Variants in FARP1 observed in about 807,000 individuals in gnomAD.
FARP1 encodes the protein FERM, ARHGEF and pleckstrin domain-containing protein 1.
Under a neutral mutation model 128.8 loss-of-function variants are expected in FARP1, and 52 were observed. The observed-to-expected ratio is 0.40, with a 90% confidence interval of 0.32 to 0.51. The LOEUF is 0.51. Ranked by LOEUF, FARP1 falls within the 20% of genes least tolerant of loss-of-function variation. The pLI, the probability that FARP1 is intolerant of heterozygous loss-of-function variation, is 0.45. For missense variants in FARP1, 1,333 were observed against 1,367.9 expected, an observed-to-expected ratio of 0.97 and a Z score of 0.40; for synonymous variants, 580 against 551.8, an observed-to-expected ratio of 1.05 and a Z score of -0.72.
chr13:98,433,829 G>C (rs1328326712), intron 18 of FARP1: 5 of 152,408 alleles, frequency 3.3e-5, no homozygotes, highest in Non-Finnish European at 7.3e-5. Context: ...CGTCCTTTAA[G>C]CCTCAGCTTG....
At chr13:98,436,291 C>T (rs371789138) in intron 19 of FARP1, among the ~76,000 whole-genome samples, 1 of 152,150 alleles carries the variant, frequency 6.6e-6, no homozygotes, top group Non-Finnish European at 1.5e-5. Flanking sequence ...CAGGGCTTCC[C>T]GCACACACTC....
intron 2 of FARP1, among the ~76,000 whole-genome samples, chr13:98,311,432 G>A (rs1203539966): frequency 6.6e-6 from 1 of 152,178 alleles, no homozygotes; most frequent in Non-Finnish European, 1.5e-5. Flanking sequence ...CTTCCTGTTA[G>A]GGCAATGAAT....
At chr13:98,386,243 C>T (rs553886996) in intron 8 of FARP1, among the ~76,000 whole-genome samples, 19 of 126,256 alleles carry the variant, frequency 1.5e-4, no homozygotes, top group South Asian at 9.9e-4. Flanking sequence ...CTTATTTGGT[C>T]GGGACTTCAG....
Position 98,421,386 on chromosome 13 carries a change from A to G in FARP1, c.1827-3186A>G, listed in dbSNP as rs139145689. Among the ~76,000 whole-genome samples the G allele has an allele frequency of 1.6e-4, 25 of 152,264 alleles. No individual in the cohort carries two copies. The East Asian group carries it at 3.9e-3, about 24-fold the overall frequency. Reference sequence around the variant, plus strand: ...TTTTCTCTTGGGTAGGGGTGTGTCTATGAGAGAGAGGATATTGCTTGTTAC... The same window carrying G: ...TTTTCTCTTGGGTAGGGGTGTGTCTGTGAGAGAGAGGATATTGCTTGTTAC... On this transcript the variant is annotated intron_variant, in intron 16 of 26. Coordinates refer to ENST00000319562, the MANE Select transcript of FARP1 (RefSeq NM_005766.4).
At position 98,397,919 on chromosome 13, in the gene FARP1, A is replaced by AAAAAAGAAAG. The variant is rs61501785; in HGVS notation, c.1414+2443_1414+2444insAAAAAGAAAG. The stretch of plus-strand genomic sequence containing the variant: ...TTTTTTGAAAAAAAAAAAAAAAAAA[A>AAAAAAGAAAG]GATAAATTGTAGAATAAAATTTTTA... On this transcript the variant is annotated intron_variant, in intron 13 of 26. Coordinates refer to ENST00000319562, the MANE Select transcript of FARP1 (RefSeq NM_005766.4). 1.8e-4 allele frequency: 22 copies of AAAAAAGAAAG among 124,324 alleles called. 3 individuals are homozygous for AAAAAAGAAAG. The highest frequency in any genetic ancestry group is 2.5e-4 in the Non-Finnish European group (15 of 59,708). 7.7% of individuals were successfully genotyped at this position (124,324 alleles called of 1,614,324 possible). A position where few individuals can be genotyped will look rare whatever the true frequency, so the allele number is the denominator to read the frequency against.
chr13:98,323,576 A>T (rs1178719320), intron 2 of FARP1, among the ~76,000 whole-genome samples: 1 of 151,796 alleles, frequency 6.6e-6, no homozygotes, highest in Non-Finnish European at 1.5e-5. Flanking sequence ...ACCTGTTTTG[A>T]TCTATTTGTA....
At chr13:98,417,455 GAAAAAAAAAAAAAAAA>G (rs869304302) in intron 16 of FARP1, among the ~76,000 whole-genome samples, 6,931 of 58,810 alleles carry the variant, frequency 0.12, 623 homozygotes, top group African/African-American at 0.31. Context: ...CCAGAGGTTT[GAAAAAAAAAAAAAAAA>G]AAAAAAAAAA....
Position 98,176,707 on chromosome 13 carries a change from A to G in FARP1, c.-24+33215A>G. 1.2e-6 allele frequency: 2 copies of G among 1,614,166 alleles called. No homozygotes were observed. Among genetic ancestry groups the G allele is most frequent in the Non-Finnish European group, 1.7e-6 (2 of 1,180,026 alleles). On this transcript the variant is annotated intron_variant, in intron 1 of 26. Transcript: ENST00000319562. The surrounding 1 kb of genome is among the most constrained non-coding windows in gnomAD (Gnocchi z 6.2). ...GGCGCGCAGATGCCCTGGCGCACGT[A>G]TGGGGCCCTTCCTCGCCATCCCCGA...
intron 17 of FARP1, 78 bp downstream of exon 17, chr13:98,424,728 GC>G: frequency 1.0e-6 from 1 of 987,242 alleles, no homozygotes; most frequent in Non-Finnish European, 1.6e-6. Flanking sequence ...TAGGCTGTAA[GC>G]CATTTCCATC....
At chr13:98,412,057 G>A in intron 16 of FARP1, 23 bp downstream of exon 16, 1 of 1,608,580 alleles carries the variant, frequency 6.2e-7, no homozygotes, top group Non-Finnish European at 8.5e-7. Flanking sequence ...CTACTTCCCA[G>A]CTACGTTCCT....
At chr13:98,194,070 A>G (rs1879411438) in intron 1 of FARP1, among the ~76,000 whole-genome samples, 1 of 152,034 alleles carries the variant, frequency 6.6e-6, no homozygotes, top group African/African-American at 2.4e-5. Flanking sequence ...TTGTATATGA[A>G]TAATTTTATT....
rs758812253 is a variant in FARP1, at chr13:98,410,839, C to T, written c.1692+16C>T. The T allele has an allele frequency of 7.4e-7, 1 of 1,355,408 alleles. No homozygotes were observed. Among genetic ancestry groups the T allele is most frequent in the Admixed American group, 1.8e-5 (1 of 56,932 alleles). 84.0% of individuals were successfully genotyped at this position (1,355,408 alleles called of 1,614,324 possible). On this transcript the variant is annotated intron_variant, in intron 15 of 26. Transcript: ENST00000319562. ...TATCACTTCGGTATGTGCAGTATTT[C>T]CCCAAAAGCATTCGATTACATGATT...
At chr13:98,280,315 G>T (rs1199940397) in intron 2 of FARP1, among the ~76,000 whole-genome samples, 1 of 151,676 alleles carries the variant, frequency 6.6e-6, no homozygotes, top group Non-Finnish European at 1.5e-5. Flanking sequence ...GCCCAGCCCC[G>T]AGCCCCCACG....
At chr13:98,321,379 G>A (rs1000560414) in intron 2 of FARP1, among the ~76,000 whole-genome samples, 5 of 152,308 alleles carry the variant, frequency 3.3e-5, no homozygotes. Flanking sequence ...ATATCAAAGC[G>A]TGAAGTTAAA....
At chr13:98,358,079 T>C (rs1397242972) in intron 3 of FARP1, among the ~76,000 whole-genome samples, 9 of 151,972 alleles carry the variant, frequency 5.9e-5, no homozygotes, top group Non-Finnish European at 1.0e-4. Context: ...CTGTTTTTTT[T>C]TTTTTTTCCT....
intron 1 of FARP1, among the ~76,000 whole-genome samples, chr13:98,202,921 T>C (rs1880041138): frequency 1.3e-5 from 2 of 152,244 alleles, no homozygotes; most frequent in South Asian, 4.1e-4. Context: ...GGTTTTGCTA[T>C]GTTGCCTAGA....
At chr13:98,187,154 T>C (rs1354377212) in intron 1 of FARP1, among the ~76,000 whole-genome samples, 1 of 152,218 alleles carries the variant, frequency 6.6e-6, no homozygotes, top group Non-Finnish European at 1.5e-5. Flanking sequence ...CATTCCATTT[T>C]CTACAGCTCA....
intron 1 of FARP1, among the ~76,000 whole-genome samples, chr13:98,188,298 A>G (rs1242972902): frequency 6.6e-6 from 1 of 152,192 alleles, no homozygotes; most frequent in African/African-American, 2.4e-5. Flanking sequence ...TCACACCTGT[A>G]ATCCCAGCAC....
At position 98,445,856 on chromosome 13, in the gene FARP1, C is replaced by T. The variant is rs556780637; in HGVS notation, c.2797-242C>T. The T allele has an allele frequency of 1.4e-4, 52 of 384,442 alleles. No individual in the cohort carries two copies. In the Admixed American group the frequency reaches 1.7e-3, roughly 12 times the overall value. 23.8% of individuals were successfully genotyped at this position (384,442 alleles called of 1,614,324 possible). On this transcript the variant is annotated intron_variant, in intron 24 of 26. Transcript: ENST00000319562. ...AAGGTACTGGTAGTCAGGACCTCAA[C>T]GTGTCTTTTGGGGGGACACAGGGAC...
Sources: allele counts gnomAD v4.1 joint callset (sites outside exome capture counted in the v4.1 genomes callset), GRCh38; gene constraint gnomAD v4.1.1; non-coding constraint Gnocchi (gnomAD v3.1); transcripts MANE v1.5; gene names NCBI Gene and HGNC (gene_info 2026-07-23, HGNC 2026-07-21).